RBFOX1: variants seen among roughly 807,000 people sequenced by gnomAD.
The protein encoded by RBFOX1 is RNA binding protein fox-1 homolog 1.
Under a neutral mutation model 57.7 loss-of-function variants are expected in RBFOX1, and 8 were observed. The observed-to-expected ratio is 0.14, with a 90% CI of 0.08 to 0.25. The LOEUF (loss-of-function observed/expected upper bound fraction) is 0.25, where lower values mean the gene tolerates loss of function less well. Among genes scored for constraint, RBFOX1 ranks in the 10% least tolerant of loss-of-function variants. RBFOX1 has a pLI of 1.00. For synonymous variants in RBFOX1, 326 were observed against 222.4 expected, an observed-to-expected ratio of 1.47 and a Z score of -4.15; for missense variants, 611 against 548.5, an observed-to-expected ratio of 1.11 and a Z score of -1.14.
intron 3 of RBFOX1, among the ~76,000 whole-genome samples, chr16:5,736,258 G>C (rs1482356148): frequency 6.6e-6 from 1 of 152,186 alleles, no homozygotes; most frequent in East Asian, 1.9e-4. Flanking sequence ...CAGGACATCT[G>C]TTTTGGGAAG....
chr16:6,607,067 T>G (rs1019068295), intron 2 of RBFOX1, among the ~76,000 whole-genome samples: 1 of 152,176 alleles, frequency 6.6e-6, no homozygotes, highest in Non-Finnish European at 1.5e-5. Context: ...ATACATTTTT[T>G]AATATACCTG....
chr16:6,224,793 G>C (rs2097403448), intron 1 of RBFOX1, among the ~76,000 whole-genome samples: 1 of 152,106 alleles, frequency 6.6e-6, no homozygotes, highest in African/African-American at 2.4e-5. Context: ...AGCTGAGGTG[G>C]GTGGATCACC....
intron 2 of RBFOX1, among the ~76,000 whole-genome samples, chr16:6,513,598 G>C (rs1264256559): frequency 6.6e-6 from 1 of 152,140 alleles, no homozygotes; most frequent in East Asian, 1.9e-4. Context: ...GCTGGGCAGG[G>C]TGGCACACGC....
At chr16:5,603,897 T>A (rs955648865), downstream of RBFOX1, among the ~76,000 whole-genome samples, 2 of 152,192 alleles carry the variant, frequency 1.3e-5, no homozygotes, top group African/African-American at 4.8e-5. Flanking sequence ...CGCACTATTA[T>A]TTTTTCTCTC....
intron 4 of RBFOX1, among the ~76,000 whole-genome samples, chr16:7,064,904 A>C (rs1038607799): frequency 2.0e-5 from 3 of 152,150 alleles, no homozygotes; most frequent in Admixed American, 6.5e-5. Flanking sequence ...CTCCCTCTGT[A>C]TGTGCATTTT....
intron 4 of RBFOX1, among the ~76,000 whole-genome samples, chr16:6,012,213 G>T (rs758951639): frequency 6.6e-6 from 1 of 152,206 alleles, no homozygotes; most frequent in Admixed American, 6.5e-5. Flanking sequence ...CTCATCTGTA[G>T]AATGAGGATG....
chr16:5,755,456 T>G (rs937917121), intron 3 of RBFOX1, among the ~76,000 whole-genome samples: 1 of 152,182 alleles, frequency 6.6e-6, no homozygotes, highest in African/African-American at 2.4e-5. Flanking sequence ...CTGAATCAAT[T>G]GATGGCATGT....
intron 2 of RBFOX1, among the ~76,000 whole-genome samples, chr16:6,342,085 A>T (rs911436323): frequency 6.6e-6 from 1 of 152,188 alleles, no homozygotes; most frequent in South Asian, 2.1e-4. Context: ...CACAGTAAGG[A>T]TTTTGTGCAA....
chr16:7,513,749 G>A (rs2075734975), intron 4 of RBFOX1, among the ~76,000 whole-genome samples: 2 of 152,192 alleles, frequency 1.3e-5, no homozygotes, highest in African/African-American at 2.4e-5. Flanking sequence ...CTGAGGACCA[G>A]TGAGGAGAAG....
At chr16:5,679,943 G>T (rs1306839936) in intron 3 of RBFOX1, among the ~76,000 whole-genome samples, 2 of 152,176 alleles carry the variant, frequency 1.3e-5, no homozygotes, top group Non-Finnish European at 2.9e-5. Context: ...TCCTGTCATT[G>T]CTCTCTTTCA....
intron 4 of RBFOX1, among the ~76,000 whole-genome samples, chr16:7,344,279 C>T (rs1173854908): frequency 4.0e-5 from 6 of 150,552 alleles, no homozygotes; most frequent in Non-Finnish European, 5.9e-5. Flanking sequence ...TCCCTAAGTA[C>T]TTAAAATAGT....
chr16:7,469,061 G>A (rs899598663), intron 4 of RBFOX1, among the ~76,000 whole-genome samples: 1 of 152,042 alleles, frequency 6.6e-6, no homozygotes, highest in Non-Finnish European at 1.5e-5. Flanking sequence ...AGCCTCCTGA[G>A]TAGCTGGGGC....
chr16:7,130,871 C>T (rs1383473180), intron 4 of RBFOX1, among the ~76,000 whole-genome samples: 3 of 152,068 alleles, frequency 2.0e-5, no homozygotes, highest in African/African-American at 7.2e-5. Context: ...GGGGTGCCAT[C>T]AAGAAGAGAT....
intron 1 of RBFOX1, among the ~76,000 whole-genome samples, chr16:5,263,210 T>C (rs200778328): frequency 1.6e-4 from 25 of 151,518 alleles, no homozygotes; most frequent in Admixed American, 6.6e-4. Flanking sequence ...ATGGAGGAGG[T>C]AGTTATAGGT....
intron 11 of RBFOX1, among the ~76,000 whole-genome samples, chr16:7,631,284 G>A (rs937662749): frequency 2.0e-5 from 3 of 152,186 alleles, no homozygotes; most frequent in African/African-American, 4.8e-5. Flanking sequence ...ACTTTTAAAC[G>A]TAGATAAGTA....
intron 2 of RBFOX1, among the ~76,000 whole-genome samples, chr16:5,521,326 C>G (rs2044005118): frequency 1.7e-5 from 2 of 119,346 alleles, no homozygotes; most frequent in Admixed American, 2.5e-4. Context: ...CCGTGCAATT[C>G]ATGCAGACTC....
chr16:5,469,349 A>C (rs2069056628), intron 2 of RBFOX1, among the ~76,000 whole-genome samples: 1 of 152,208 alleles, frequency 6.6e-6, no homozygotes, highest in South Asian at 2.1e-4. Flanking sequence ...AAAAGCCAAC[A>C]GAGCAAGGAA....
At chr16:5,878,797 A>C (rs1285266740) in intron 4 of RBFOX1, among the ~76,000 whole-genome samples, 1 of 152,208 alleles carries the variant, frequency 6.6e-6, no homozygotes, top group African/African-American at 2.4e-5. Flanking sequence ...CTGGTAAACT[A>C]AAAAAACTAA....
intron 4 of RBFOX1, among the ~76,000 whole-genome samples, chr16:7,479,999 C>G (rs1251600209): frequency 6.6e-6 from 1 of 152,156 alleles, no homozygotes; most frequent in Non-Finnish European, 1.5e-5. Flanking sequence ...GTATAGGTGC[C>G]AGTTCCAGCC....
Sources: allele counts gnomAD v4.1 joint callset (sites outside exome capture counted in the v4.1 genomes callset), GRCh38; gene constraint gnomAD v4.1.1; transcripts MANE v1.5; gene names NCBI Gene and HGNC (gene_info 2026-07-23, HGNC 2026-07-21).